The following QTMAN variants were observed in gnomAD, a reference collection of about 807,000 sequenced individuals.
QTMAN encodes tRNA-queuosine alpha-mannosyltransferase.
At chr2:144,219,518 C>A in the QTMAN span, among the ~76,000 whole-genome samples, 2 of 152,020 alleles carry the variant, frequency 1.3e-5, no homozygotes, top group African/African-American at 4.8e-5. Flanking sequence ...ATCAACAAAA[C>A]CATGTTTTAA....
chr2:144,137,664 CAT>C, the QTMAN span, among the ~76,000 whole-genome samples: 2 of 151,952 alleles, frequency 1.3e-5, no homozygotes, highest in Non-Finnish European at 2.9e-5. Flanking sequence ...TACCAGAAGA[CAT>C]ATAACTTCTC....
chr2:144,321,351 AG>A, the QTMAN span, among the ~76,000 whole-genome samples: 2 of 152,196 alleles, frequency 1.3e-5, no homozygotes, highest in Non-Finnish European at 2.9e-5. Flanking sequence ...ACTGCAATGG[AG>A]GAATGTGTTT....
At chr2:143,969,276 TG>T in the QTMAN span, among the ~76,000 whole-genome samples, 2 of 152,246 alleles carry the variant, frequency 1.3e-5, no homozygotes, top group Admixed American at 6.5e-5. Context: ...ACCACCTGTG[TG>T]GCTTAGATAA....
At chr2:143,998,436 G>C in the QTMAN span, among the ~76,000 whole-genome samples, 123 of 151,216 alleles carry the variant, frequency 8.1e-4, no homozygotes, top group East Asian at 0.022. Context: ...CGACAGAAGG[G>C]GGGGGAAAGC....
At chr2:144,182,312 T>C in the QTMAN span, among the ~76,000 whole-genome samples, 1 of 152,138 alleles carries the variant, frequency 6.6e-6, no homozygotes, top group Non-Finnish European at 1.5e-5. Flanking sequence ...ATTTCCTCAG[T>C]AGGTATGTGT....
At chr2:144,258,296 CT>C in the QTMAN span, among the ~76,000 whole-genome samples, 4 of 149,408 alleles carry the variant, frequency 2.7e-5, no homozygotes. Context: ...TAAAAGAAAA[CT>C]TTTACTTAGG....
At chr2:144,122,161 G>C in the QTMAN span, among the ~76,000 whole-genome samples, 1 of 152,032 alleles carries the variant, frequency 6.6e-6, no homozygotes, top group African/African-American at 2.4e-5. Context: ...ATGTAAATCA[G>C]GTTTCTTTAA....
chr2:143,948,167 G>C, the QTMAN span, among the ~76,000 whole-genome samples: 1 of 152,196 alleles, frequency 6.6e-6, no homozygotes, highest in South Asian at 2.1e-4. Flanking sequence ...AAAGTAGCTT[G>C]TCTGTGGTTC....
the QTMAN span, among the ~76,000 whole-genome samples, chr2:144,064,399 G>A: frequency 2.0e-5 from 3 of 152,194 alleles, no homozygotes; most frequent in Middle Eastern, 3.4e-3. Flanking sequence ...TTATTATTGT[G>A]TCTTAAACTT....
chr2:144,045,839 C>T, the QTMAN span, among the ~76,000 whole-genome samples: 2 of 152,202 alleles, frequency 1.3e-5, no homozygotes, highest in South Asian at 2.1e-4. Flanking sequence ...GATCCTTACA[C>T]TACTCCAAAA....
At chr2:144,046,999 G>C in the QTMAN span, among the ~76,000 whole-genome samples, 1 of 152,122 alleles carries the variant, frequency 6.6e-6, no homozygotes, top group Non-Finnish European at 1.5e-5. Flanking sequence ...GACCGGGCGT[G>C]GTGGCTCACA....
chr2:144,275,942 T>C, the QTMAN span, among the ~76,000 whole-genome samples: 1 of 152,200 alleles, frequency 6.6e-6, no homozygotes, highest in Non-Finnish European at 1.5e-5. Context: ...GGGATTCTCA[T>C]ATTTAAAAAC....
At chr2:143,940,111 G>C in the QTMAN span, 1 of 152,186 alleles carries the variant, frequency 6.6e-6, no homozygotes, top group Non-Finnish European at 1.5e-5. Flanking sequence ...TGATCATTAA[G>C]TTATGCTGGC....
At chr2:144,313,918 A>C in the QTMAN span, among the ~76,000 whole-genome samples, 31 of 151,980 alleles carry the variant, frequency 2.0e-4, no homozygotes, top group Non-Finnish European at 3.5e-4. Flanking sequence ...AGACATCTAC[A>C]AACTTGAACT....
chr2:144,206,536 T>C, the QTMAN span, among the ~76,000 whole-genome samples: 242 of 152,364 alleles, frequency 1.6e-3, 2 homozygotes, highest in East Asian at 0.021. Flanking sequence ...TGGTGAGGCA[T>C]GTCTTTGGGT....
chr2:144,155,262 C>A, the QTMAN span, among the ~76,000 whole-genome samples: 3 of 152,098 alleles, frequency 2.0e-5, no homozygotes, highest in East Asian at 3.8e-4. Flanking sequence ...TAGATGTCAA[C>A]CTGGTACAAA....
chr2:144,136,270 G>A, the QTMAN span, among the ~76,000 whole-genome samples: 1 of 151,648 alleles, frequency 6.6e-6, no homozygotes, highest in Admixed American at 6.6e-5. Flanking sequence ...AGGATGAAAT[G>A]GGTCATGATC....
the QTMAN span, among the ~76,000 whole-genome samples, chr2:143,979,193 T>TC: frequency 6.6e-6 from 1 of 150,678 alleles, no homozygotes; most frequent in African/African-American, 2.4e-5. Flanking sequence ...CTGGATGGGC[T>TC]CAGTGGTAGA....
chr2:144,160,975 A>G, the QTMAN span, among the ~76,000 whole-genome samples: 2 of 152,156 alleles, frequency 1.3e-5, no homozygotes, highest in African/African-American at 4.8e-5. Context: ...GAAATCTCTG[A>G]GACAACTCCA....
Sources: allele counts gnomAD v4.1 joint callset (sites outside exome capture counted in the v4.1 genomes callset), GRCh38; gene constraint gnomAD v4.1.1; transcripts MANE v1.5; gene names NCBI Gene and HGNC (gene_info 2026-07-23, HGNC 2026-07-21).